ST8SIA6: variants seen among roughly 807,000 people sequenced by gnomAD.
ST8SIA6 encodes ST8 alpha-N-acetyl-neuraminide alpha-2,8-sialyltransferase 6.
In ST8SIA6, 39 loss-of-function variants were observed where a neutral mutation model predicts 33.6. That is an observed-to-expected ratio of 1.16 (90% CI 0.90 to 1.52). The LOEUF is 1.52. Among genes scored for constraint, ST8SIA6 ranks in the 40% most tolerant of loss-of-function variants. ST8SIA6 has a pLI of 0.00. For missense variants in ST8SIA6, 441 were observed against 443.8 expected (o/e 0.99, Z 0.06); for synonymous variants, 172 against 167.2 (o/e 1.03, Z -0.22).
intron 3 of ST8SIA6, among the ~76,000 whole-genome samples, chr10:17,375,494 C>T (rs1849882860): frequency 6.6e-6 from 1 of 152,188 alleles, no homozygotes; most frequent in African/African-American, 2.4e-5. Flanking sequence ...CCCTGCAAAA[C>T]GGTGCCTCCC....
rs186170350 is a variant in ST8SIA6, at chr10:17,383,880, C to G, written c.290+6651G>C. ...TAAAACATTTCTTTTGAGCTACTGA[C>G]AGCTTGTAACAATTTAGTATACTCC... On this transcript the variant is annotated intron_variant, in intron 3 of 7. Transcript: ENST00000377602. 2.2e-4 allele frequency among the ~76,000 whole-genome samples: 34 copies of G among 152,336 alleles called. 1 individual carries two copies. Among genetic ancestry groups the G allele is most frequent in the African/African-American group, 7.9e-4 (33 of 41,584 alleles).
chr10:17,424,484 G>A (rs1055022344), intron 2 of ST8SIA6, among the ~76,000 whole-genome samples: 2 of 152,166 alleles, frequency 1.3e-5, no homozygotes, highest in African/African-American at 4.8e-5. Context: ...CACACAGTGT[G>A]TGTGTGAGTA....
At chr10:17,325,067 C>T (rs1437802879) in intron 6 of ST8SIA6, among the ~76,000 whole-genome samples, 1 of 140,240 alleles carries the variant, frequency 7.1e-6, no homozygotes, top group Non-Finnish European at 1.5e-5. Context: ...ACATATTATA[C>T]ATATATAATT....
At chr10:17,452,006 G>A (rs1852930132) in intron 2 of ST8SIA6, among the ~76,000 whole-genome samples, 1 of 152,176 alleles carries the variant, frequency 6.6e-6, no homozygotes, top group African/African-American at 2.4e-5. Flanking sequence ...AACGACCTGA[G>A]ATCAAACCAT....
chr10:17,418,853 C>A (rs1047714941), intron 2 of ST8SIA6, among the ~76,000 whole-genome samples: 3 of 151,852 alleles, frequency 2.0e-5, no homozygotes, highest in Admixed American at 6.6e-5. Flanking sequence ...ATTAGCCAAG[C>A]GTGGTGGCAG....
At chr10:17,412,481 G>C (rs529207983) in intron 2 of ST8SIA6, among the ~76,000 whole-genome samples, 1 of 152,300 alleles carries the variant, frequency 6.6e-6, no homozygotes, top group Non-Finnish European at 1.5e-5. Context: ...CTAGGCAGGG[G>C]ATATGATGTG....
chr10:17,321,383 A>G, intron 7 of ST8SIA6, 37 bp from the exon 8 acceptor site: 1 of 1,508,126 alleles, frequency 6.6e-7, no homozygotes, highest in South Asian at 1.3e-5. Context: ...AATCCCAAGA[A>G]TAATAATCAA....
chr10:17,442,358 A>G (rs1349014694), intron 2 of ST8SIA6, among the ~76,000 whole-genome samples: 1 of 152,180 alleles, frequency 6.6e-6, no homozygotes, highest in African/African-American at 2.4e-5. Flanking sequence ...ATATACGACA[A>G]AATCAAAAAA....
intron 2 of ST8SIA6, among the ~76,000 whole-genome samples, chr10:17,399,746 T>C (rs938423060): frequency 6.6e-6 from 1 of 151,766 alleles, no homozygotes; most frequent in African/African-American, 2.4e-5. Flanking sequence ...GTGAGACTCC[T>C]GTCTCTATAT....
chr10:17,378,846 G>T (rs1254659383), intron 3 of ST8SIA6, among the ~76,000 whole-genome samples: 1 of 152,198 alleles, frequency 6.6e-6, no homozygotes, highest in Non-Finnish European at 1.5e-5. Context: ...GGACTTTTCA[G>T]CCAGGCACGG....
At chr10:17,411,507 A>G (rs1390403040) in intron 2 of ST8SIA6, among the ~76,000 whole-genome samples, 1 of 152,162 alleles carries the variant, frequency 6.6e-6, no homozygotes, top group Non-Finnish European at 1.5e-5. Context: ...TGATTGCATG[A>G]AAGTGTATTA....
intron 2 of ST8SIA6, among the ~76,000 whole-genome samples, chr10:17,443,357 A>G (rs1852572635): frequency 6.6e-6 from 1 of 152,236 alleles, no homozygotes; most frequent in Non-Finnish European, 1.5e-5. Context: ...ACAGCATTCC[A>G]ACAGAGGTTC....
At chr10:17,450,552 C>T (rs915184589) in intron 2 of ST8SIA6, among the ~76,000 whole-genome samples, 1 of 152,110 alleles carries the variant, frequency 6.6e-6, no homozygotes, top group East Asian at 1.9e-4. Context: ...GCGATTCTCA[C>T]CTCTCAGCCT....
intron 3 of ST8SIA6, among the ~76,000 whole-genome samples, chr10:17,384,114 C>T (rs1186086210): frequency 6.6e-6 from 1 of 152,168 alleles, no homozygotes; most frequent in Non-Finnish European, 1.5e-5. Context: ...AAGAATCAAA[C>T]TTGACTTACG....
intron 2 of ST8SIA6, among the ~76,000 whole-genome samples, chr10:17,435,643 G>A (rs1357414466): frequency 1.4e-5 from 2 of 139,808 alleles, no homozygotes; most frequent in African/African-American, 2.6e-5. Flanking sequence ...CTCCCATTTG[G>A]GTGACTATTC....
intron 3 of ST8SIA6, among the ~76,000 whole-genome samples, chr10:17,360,938 G>A (rs1197193409): frequency 2.0e-5 from 3 of 148,554 alleles, no homozygotes; most frequent in Non-Finnish European, 4.5e-5. Flanking sequence ...AAGAGGAAAA[G>A]GAAGAAGAAG....
At chr10:17,396,578 C>T (rs895434775) in intron 2 of ST8SIA6, among the ~76,000 whole-genome samples, 1 of 152,018 alleles carries the variant, frequency 6.6e-6, no homozygotes, top group Admixed American at 6.6e-5. Flanking sequence ...AAAGAAATGC[C>T]TCCCCTCTCA....
rs1012124953 is a variant in ST8SIA6 at position 17,327,014 on chromosome 10, C to T, written c.635G>A (p.Arg212Lys). The T allele has an allele frequency of 6.3e-7, 1 of 1,593,268 alleles. No homozygotes were observed. Among genetic ancestry groups the T allele is most frequent in the South Asian group, 1.2e-5 (1 of 86,840 alleles). ...TEIDKSDFVF[R>K]CNLPPTTGDV... ...AAGAAACCAATTTGTCAGGTCTTACCTAAAAACGAAGTCGGATTTATCTAT... is the reference window on the plus strand; with the variant it reads ...AAGAAACCAATTTGTCAGGTCTTACTTAAAAACGAAGTCGGATTTATCTAT... Residue 212 changes from arginine (R) to lysine (K), a missense_variant and splice_region_variant, in exon 6 of 8, where the codon AGG becomes AAG. Physicochemically the swap from Arg to Lys is conservative, Grantham distance 26 (BLOSUM62 2). Coordinates refer to ENST00000377602, the MANE Select transcript of ST8SIA6 (RefSeq NM_001004470.3).
intron 4 of ST8SIA6, among the ~76,000 whole-genome samples, chr10:17,349,727 A>G (rs1438796994): frequency 6.6e-6 from 1 of 152,214 alleles, no homozygotes; most frequent in African/African-American, 2.4e-5. Context: ...AGAAACATCA[A>G]TAATAAAATG....
Sources: gnomAD v4.1 joint callset for allele counts (sites outside exome capture counted in the v4.1 genomes callset) on GRCh38, gnomAD v4.1.1 for gene constraint, MANE v1.5 for transcripts, NCBI Gene and HGNC (gene_info 2026-07-23, HGNC 2026-07-21) for gene names.